INPP5F: variants seen among roughly 807,000 people sequenced by gnomAD.
The protein encoded by INPP5F is phosphatidylinositide 4-phosphatase SAC2.
A neutral mutation model predicts 137.2 loss-of-function variants in INPP5F; 97 were observed. The ratio of observed to expected loss-of-function variants is 0.71; its 90% CI spans 0.60 to 0.84. INPP5F has a LOEUF of 0.84. INPP5F is among the 40% of genes least tolerant of loss of function. INPP5F has a pLI of 0.00. For synonymous variants in INPP5F, 504 were observed against 476.9 expected (o/e 1.06, Z -0.74); for missense variants, 1,271 against 1,371.9 (o/e 0.93, Z 1.16).
At chr10:119,785,288 T>TGTTTTTTTTTTTTTTG (rs1849850055) in intron 3 of INPP5F, among the ~76,000 whole-genome samples, 2 of 138,126 alleles carry the variant, frequency 1.4e-5, no homozygotes, top group African/African-American at 5.4e-5. Flanking sequence ...GCCAGACTGT[T>TGTTTTTTTTTTTTTTG]TTTTTTTTTT....
chr10:119,782,401 G>C (rs1274606285), intron 3 of INPP5F, among the ~76,000 whole-genome samples: 1 of 152,218 alleles, frequency 6.6e-6, no homozygotes, highest in African/African-American at 2.4e-5. Flanking sequence ...TTTGCTCTTA[G>C]TATGGGAATT....
rs753033639 is a variant in INPP5F, at chr10:119,796,892, C to T, written c.847C>T (p.Arg283Cys). Residue 283 changes from arginine to cysteine, a missense_variant, in exon 7 of 20, where the codon CGC becomes TGC. Around this residue, in one of 6 missense-constraint regions of INPP5F, gnomAD observed 593 missense variants for 712.4 expected, o/e 0.83. Transcript: ENST00000650623. ...ACGATTTCTAGTGGCTCTCATTTCA[C>T]GCCGAAGTAGGCACAGAGCAGGTGA... ...HPRFLVALIS[R>C]RSRHRAGMRY... The T allele has an allele frequency of 1.9e-6, 3 of 1,613,982 alleles. No homozygotes were observed. The highest frequency in any genetic ancestry group is 2.5e-6 in the Non-Finnish European group (3 of 1,179,918).
Position 119,791,883 on chromosome 10 carries a change from A to G in INPP5F, c.459A>G (p.Lys153=), listed in dbSNP as rs1850158657. ...ATTTCTTATAGGTTAAGGAAAGTAA[A>G]GAGAAGGAGAAGTTGGAGAGGAGAT... is the stretch of plus-strand genomic sequence containing the variant. The part of the protein sequence containing the change: ...APNKKKVKES[K]EKEKLERRLL... The change falls in exon 5 of 20, where the codon AAA becomes AAG. Residue 153 remains lysine, a synonymous_variant. Transcript: ENST00000650623. The G allele has an allele frequency of 6.2e-7, 1 of 1,606,036 alleles. No homozygotes were observed. The highest frequency in any genetic ancestry group is 1.3e-5 in the African/African-American group (1 of 74,628).
Position 119,822,763 on chromosome 10 carries a change from C to G in INPP5F, c.2032+259C>G, listed in dbSNP as rs184084986. On this transcript the variant is annotated intron_variant, in intron 17 of 19. Transcript: ENST00000650623. The stretch of plus-strand genomic sequence containing the variant: ...CTGTTAGAAACCAGAAAGGGATATT[C>G]CAAGCTGTCTACTTCTTAGAACTTC... Among the ~76,000 whole-genome samples, 551 of 152,276 alleles carry G rather than the reference C, an allele frequency of 3.6e-3. 4 individuals carry two copies. The highest frequency in any genetic ancestry group is 0.013 in the African/African-American group (536 of 41,552).
At chr10:119,800,777 C>T (rs1484025857) in intron 9 of INPP5F, among the ~76,000 whole-genome samples, 1 of 151,700 alleles carries the variant, frequency 6.6e-6, no homozygotes, top group Non-Finnish European at 1.5e-5. Context: ...TGGAGAAATC[C>T]TTTCTCTACT....
At chr10:119,729,120 T>C (rs1418403239) in intron 1 of INPP5F, among the ~76,000 whole-genome samples, 1 of 151,966 alleles carries the variant, frequency 6.6e-6, no homozygotes, top group Non-Finnish European at 1.5e-5. Flanking sequence ...TTGCTCTTTT[T>C]AGGCCTGTTT....
At chr10:119,798,704 T>C in intron 9 of INPP5F, 94 bp downstream of exon 9, 1 of 729,096 alleles carries the variant, frequency 1.4e-6, no homozygotes, top group South Asian at 2.2e-5. Flanking sequence ...CTATTCAAAA[T>C]TAAAGCATTT....
chr10:119,791,679 C>G, intron 4 of INPP5F, 34 bp downstream of exon 4: 1 of 1,546,490 alleles, frequency 6.5e-7, no homozygotes, highest in Non-Finnish European at 8.8e-7. Context: ...TTTGAATTCA[C>G]CTTTGATTAG....
At chr10:119,738,224 G>T (rs1359874415) in intron 1 of INPP5F, among the ~76,000 whole-genome samples, 2 of 152,102 alleles carry the variant, frequency 1.3e-5, no homozygotes, top group Non-Finnish European at 2.9e-5. Context: ...CTAAAATTTG[G>T]CATTATTTCA....
intron 2 of INPP5F, among the ~76,000 whole-genome samples, chr10:119,769,608 G>A (rs900810293): frequency 3.0e-4 from 45 of 152,316 alleles, no homozygotes; most frequent in Middle Eastern, 3.4e-3. Flanking sequence ...CATCCCGTCT[G>A]TTGAGGGCCG....
chr10:119,797,306 C>A (rs984047323), intron 7 of INPP5F, among the ~76,000 whole-genome samples, 155 bp from the exon 8 acceptor site: 1 of 152,106 alleles, frequency 6.6e-6, no homozygotes, highest in Non-Finnish European at 1.5e-5. Flanking sequence ...CATACAGTTA[C>A]GATTTTGGGT....
At chr10:119,757,358 A>G (rs1747278603) in intron 2 of INPP5F, among the ~76,000 whole-genome samples, 1 of 151,704 alleles carries the variant, frequency 6.6e-6, no homozygotes, top group African/African-American at 2.4e-5. Context: ...ATGAGCCACC[A>G]TGCCCGACCG....
At chr10:119,808,997 G>A (rs922641367) in intron 13 of INPP5F, among the ~76,000 whole-genome samples, 1 of 152,174 alleles carries the variant, frequency 6.6e-6, no homozygotes, top group African/African-American at 2.4e-5. Context: ...GCTGAGGCGG[G>A]TGGATCACCT....
intron 2 of INPP5F, among the ~76,000 whole-genome samples, chr10:119,754,842 G>T (rs1291787419): frequency 6.6e-6 from 1 of 152,128 alleles, no homozygotes; most frequent in African/African-American, 2.4e-5. Context: ...CCCTGGGTCA[G>T]ATTGGCTAGA....
chr10:119,775,096 G>A (rs1039798104), intron 2 of INPP5F, among the ~76,000 whole-genome samples: 10 of 152,066 alleles, frequency 6.6e-5, no homozygotes, highest in Non-Finnish European at 1.5e-4. Flanking sequence ...TTGGAAAATG[G>A]TATGATGATA....
At chr10:119,823,240 C>A (rs1009201560) in intron 18 of INPP5F, 41 bp downstream of exon 18, 2 of 1,591,818 alleles carry the variant, frequency 1.3e-6, no homozygotes, top group South Asian at 1.1e-5. Context: ...TGAAAACTTT[C>A]TATTTATTCT....
chr10:119,805,055 C>T (rs1166564855), intron 10 of INPP5F, among the ~76,000 whole-genome samples: 3 of 152,092 alleles, frequency 2.0e-5, no homozygotes, highest in East Asian at 3.9e-4. Context: ...GTGCCTTTAA[C>T]GTGTGTATTC....
intron 2 of INPP5F, among the ~76,000 whole-genome samples, chr10:119,771,672 A>G (rs919125040): frequency 4.6e-5 from 7 of 151,626 alleles, no homozygotes; most frequent in Non-Finnish European, 8.8e-5. Context: ...AACAGATTGG[A>G]TAAAGCATGT....
intron 1 of INPP5F, among the ~76,000 whole-genome samples, chr10:119,749,078 C>T (rs1028122189): frequency 1.3e-5 from 2 of 152,224 alleles, no homozygotes; most frequent in South Asian, 2.1e-4. Context: ...TCGGTCGTGA[C>T]GGTCCCCAGG....
Sources: allele counts gnomAD v4.1 joint callset (sites outside exome capture counted in the v4.1 genomes callset), GRCh38; gene constraint gnomAD v4.1.1; regional missense constraint gnomAD v4.1.1; transcripts MANE v1.5; gene names NCBI Gene and HGNC (gene_info 2026-07-23, HGNC 2026-07-21).